Variants in BOLL observed in about 807,000 individuals in gnomAD.
BOLL encodes protein boule-like.
In BOLL, 23 loss-of-function variants were observed where a neutral mutation model predicts 44.4. The ratio of observed to expected loss-of-function variants is 0.52; its 90% CI spans 0.37 to 0.73. BOLL has a LOEUF of 0.73. Among genes scored for constraint, BOLL ranks in the 30% least tolerant of loss-of-function variants. BOLL has a pLI of 0.00. For missense variants in BOLL, 287 were observed against 338.3 expected (o/e 0.85, Z 1.19); for synonymous variants, 97 against 110.8 (o/e 0.88, Z 0.78).
chr2:197,738,664 G>T lies in BOLL; in HGVS notation c.828+4397C>A, dbSNP rs1232144010. The stretch of plus-strand genomic sequence containing the variant: ...TTTGACATTTGAAATTCCTACTTTG[G>T]GATATCTTCAATTAACATTCATGAG... On this transcript the variant is annotated intron_variant, in intron 10 of 10. Transcript: ENST00000392296. 2.0e-5 allele frequency among the ~76,000 whole-genome samples: 3 copies of T among 151,924 alleles called. No homozygotes were observed. In the East Asian group the frequency reaches 5.8e-4, roughly 29 times the overall value.
intron 5 of BOLL, 74 bp downstream of exon 5, chr2:197,775,591 T>G: frequency 1.0e-6 from 1 of 970,100 alleles, no homozygotes; most frequent in South Asian, 1.7e-5. Context: ...TTAATAAAGT[T>G]CTATAAAAAG....
intron 10 of BOLL, among the ~76,000 whole-genome samples, chr2:197,738,300 T>C (rs184840734): frequency 8.5e-4 from 129 of 152,248 alleles, no homozygotes; most frequent in African/African-American, 3.0e-3. Context: ...AGGCTGGCCT[T>C]AAACTCCTGG....
chr2:197,786,059 A>T (rs1455414500), upstream of BOLL: 2 of 1,589,718 alleles, frequency 1.3e-6, no homozygotes, highest in Admixed American at 1.7e-5. This position sits in a 1 kb window ranked among gnomAD's most constrained non-coding sequence, Gnocchi z 5.9. Context: ...AAAGTTTGAA[A>T]CCACCTTCAC....
intron 5 of BOLL, chr2:197,774,074 T>A (rs984379908): frequency 4.4e-6 from 2 of 453,490 alleles, no homozygotes; most frequent in African/African-American, 4.1e-5. Context: ...GTGCTACCAC[T>A]CACCATTAGG....
chr2:197,752,939 C>G (rs561783579), intron 9 of BOLL, among the ~76,000 whole-genome samples: 1 of 152,196 alleles, frequency 6.6e-6, no homozygotes, highest in Non-Finnish European at 1.5e-5. Context: ...CAGCATGGTA[C>G]TGGTACCAAA....
chr2:197,742,425 C>T (rs923049218), intron 10 of BOLL, among the ~76,000 whole-genome samples: 1 of 152,174 alleles, frequency 6.6e-6, no homozygotes, highest in African/African-American at 2.4e-5. Flanking sequence ...AAATGTCCAA[C>T]AACGATAGAC....
chr2:197,741,411 ATAC>A (rs954273381), intron 10 of BOLL, among the ~76,000 whole-genome samples: 1 of 152,156 alleles, frequency 6.6e-6, no homozygotes, highest in Non-Finnish European at 1.5e-5. Context: ...TAGATATACA[ATAC>A]TACAAGGCTA....
intron 1 of BOLL, among the ~76,000 whole-genome samples, chr2:197,784,348 A>G (rs1360303131): frequency 1.4e-5 from 2 of 141,890 alleles, no homozygotes; most frequent in Admixed American, 7.2e-5. Context: ...GATATGCCAA[A>G]TAGGCTGAAG....
chr2:197,760,653 T>G (rs537731572), intron 7 of BOLL, among the ~76,000 whole-genome samples: 7 of 152,240 alleles, frequency 4.6e-5, no homozygotes, highest in African/African-American at 1.4e-4. Flanking sequence ...TCATAGACTC[T>G]CTTTTGCTAG....
chr2:197,770,228 A>C, intron 6 of BOLL, among the ~76,000 whole-genome samples: 1 of 152,216 alleles, frequency 6.6e-6, no homozygotes, highest in East Asian at 1.9e-4. Context: ...CAAACCTGAC[A>C]AAAACAAGAA....
rs550153826 is a variant in BOLL at position 197,754,403 on chromosome 2, C to T, written c.729+2025G>A. On this transcript the variant is annotated intron_variant, in intron 9 of 10. Coordinates refer to ENST00000392296, the MANE Select transcript of BOLL (RefSeq NM_033030.6). Reference sequence around the variant, plus strand: ...ATGGATTAAAGACTTAAATGTAAAACCCGAAACTATAGAAACCACAGAAGG... The same window carrying T: ...ATGGATTAAAGACTTAAATGTAAAATCCGAAACTATAGAAACCACAGAAGG... Among the ~76,000 whole-genome samples, 38 of 152,190 alleles carry T rather than the reference C, an allele frequency of 2.5e-4. No individual in the cohort carries two copies. The South Asian group carries it at 7.5e-3, about 30-fold the overall frequency.
chr2:197,742,809 TATA>T (rs1306354718), intron 10 of BOLL, among the ~76,000 whole-genome samples: 4 of 151,908 alleles, frequency 2.6e-5, no homozygotes, highest in African/African-American at 9.7e-5. Flanking sequence ...AAACTTAAAG[TATA>T]ATAAAATAAA....
chr2:197,781,536 A>C (rs1689782424), intron 2 of BOLL, among the ~76,000 whole-genome samples, 186 bp downstream of exon 2: 1 of 152,204 alleles, frequency 6.6e-6, no homozygotes, highest in South Asian at 2.1e-4. Flanking sequence ...TATATCTGAC[A>C]TTGAACAGTT....
intron 10 of BOLL, among the ~76,000 whole-genome samples, chr2:197,741,621 G>C (rs1245526052): frequency 6.6e-6 from 1 of 152,066 alleles, no homozygotes; most frequent in Non-Finnish European, 1.5e-5. Context: ...GTAGAAAGCT[G>C]AAACTGGATC....
chr2:197,777,182 G>A, intron 3 of BOLL, 69 bp from the exon 4 acceptor site: 1 of 1,118,892 alleles, frequency 8.9e-7, no homozygotes, highest in Non-Finnish European at 1.2e-6. Flanking sequence ...ATATTAAAAT[G>A]TTTAAAAATT....
At chr2:197,739,959 C>T (rs1045542328) in intron 10 of BOLL, among the ~76,000 whole-genome samples, 1 of 152,038 alleles carries the variant, frequency 6.6e-6, no homozygotes, top group Non-Finnish European at 1.5e-5. Context: ...GCCATTTCTG[C>T]AAAAGTATAT....
At chr2:197,760,384 G>A (rs1429697737) in intron 7 of BOLL, among the ~76,000 whole-genome samples, 1 of 152,050 alleles carries the variant, frequency 6.6e-6, no homozygotes, top group Non-Finnish European at 1.5e-5. Flanking sequence ...CAGTCCCATG[G>A]GCTGTCCCCA....
chr2:197,735,368 T>G (rs1471443565), intron 10 of BOLL, among the ~76,000 whole-genome samples: 1 of 152,180 alleles, frequency 6.6e-6, no homozygotes, highest in African/African-American at 2.4e-5. Flanking sequence ...TCTCTATTCC[T>G]CTTTCTGCAA....
In BOLL at chr2:197,728,592, A is replaced by C. The variant is rs1686959336; in HGVS notation, c.829-14T>G. On this transcript the variant is annotated splice_polypyrimidine_tract_variant and intron_variant, in intron 10 of 10. Coordinates refer to ENST00000392296, the MANE Select transcript of BOLL (RefSeq NM_033030.6). ...GCTCCACACTGTCTGTTAAGTAAAG[A>C]GAAAATATAGATCAGGAAGACTGAA... is the stretch of plus-strand genomic sequence containing the variant. 6.5e-7 allele frequency: 1 copy of C among 1,548,194 alleles called. No individual in the cohort carries two copies. The highest frequency in any genetic ancestry group is 1.4e-5 in the African/African-American group (1 of 73,296).
Sources: gnomAD v4.1 joint callset for allele counts (sites outside exome capture counted in the v4.1 genomes callset) on GRCh38, gnomAD v4.1.1 for gene constraint, Gnocchi (gnomAD v3.1) non-coding constraint, MANE v1.5 for transcripts, NCBI Gene and HGNC (gene_info 2026-07-23, HGNC 2026-07-21) for gene names.